The following RANBP17 variants were observed in gnomAD, a reference collection of about 807,000 sequenced individuals.
The protein encoded by RANBP17 is ran-binding protein 17.
RANBP17 carries 158 observed loss-of-function variants against 141.2 expected under a neutral mutation model. That is an observed-to-expected ratio of 1.12 (90% CI 0.98 to 1.28). RANBP17 has a LOEUF of 1.28. Among genes scored for constraint, RANBP17 ranks in the 50% most tolerant of loss-of-function variants. The probability of loss-of-function intolerance (pLI) is 0.00; values close to 1 mark genes in which losing one functional copy is unlikely to be tolerated. For synonymous variants in RANBP17, 430 were observed against 450.0 expected (o/e 0.96, Z 0.56); for missense variants, 1,438 against 1,290.7 (o/e 1.11, Z -1.75).
chr5:171,127,603 A>C (rs376401930), intron 14 of RANBP17, among the ~76,000 whole-genome samples: 15 of 152,238 alleles, frequency 9.9e-5, no homozygotes, highest in African/African-American at 3.6e-4. Context: ...GTATATGAAA[A>C]AAATCTTCAC....
chr5:171,049,663 G>A (rs868185787), intron 14 of RANBP17, among the ~76,000 whole-genome samples: 46 of 152,216 alleles, frequency 3.0e-4, no homozygotes, highest in African/African-American at 1.1e-3. Context: ...AAGGCTAGGG[G>A]TCCAGTTTCA....
At chr5:171,102,783 T>G (rs1787262830) in intron 14 of RANBP17, among the ~76,000 whole-genome samples, 1 of 152,116 alleles carries the variant, frequency 6.6e-6, no homozygotes, top group South Asian at 2.1e-4. Context: ...GAGTTTTTGC[T>G]TCGTTGTCCT....
intron 24 of RANBP17, chr5:171,252,516 G>A (rs1475637195): frequency 3.3e-5 from 47 of 1,435,774 alleles, no homozygotes; most frequent in Non-Finnish European, 4.2e-5. Flanking sequence ...ACTGTGAAGA[G>A]TGTCGCAGCA....
At chr5:171,166,207 A>G (rs1581775306) in intron 14 of RANBP17, among the ~76,000 whole-genome samples, 1 of 152,182 alleles carries the variant, frequency 6.6e-6, no homozygotes. Flanking sequence ...GACAGGCAAA[A>G]CCTTGGTTAC....
chr5:170,985,026 C>CA (rs1778037849), intron 14 of RANBP17, among the ~76,000 whole-genome samples: 1 of 124,008 alleles, frequency 8.1e-6, no homozygotes, highest in African/African-American at 2.8e-5. Flanking sequence ...CACATATACA[C>CA]ACACAGACAC....
At chr5:171,294,627 C>T (rs1052845694) in intron 26 of RANBP17, among the ~76,000 whole-genome samples, 1 of 152,148 alleles carries the variant, frequency 6.6e-6, no homozygotes, top group Non-Finnish European at 1.5e-5. Flanking sequence ...AAAATCCCAG[C>T]CTTGGAAGGA....
intron 12 of RANBP17, among the ~76,000 whole-genome samples, chr5:170,926,995 A>G (rs981827412): frequency 6.6e-6 from 1 of 152,144 alleles, no homozygotes; most frequent in African/African-American, 2.4e-5. Context: ...TTTTGAATAT[A>G]TCATAATTTA....
chr5:170,888,632 T>C (rs1581059308), intron 3 of RANBP17, among the ~76,000 whole-genome samples: 1 of 152,182 alleles, frequency 6.6e-6, no homozygotes, highest in Non-Finnish European at 1.5e-5. Flanking sequence ...TTTCTACATA[T>C]CATGCCATCT....
At chr5:171,165,068 G>A (rs1289760102) in intron 14 of RANBP17, among the ~76,000 whole-genome samples, 1 of 152,142 alleles carries the variant, frequency 6.6e-6, no homozygotes, top group East Asian at 1.9e-4. Flanking sequence ...TGTGCAGAAG[G>A]GTCAATGAAA....
intron 14 of RANBP17, among the ~76,000 whole-genome samples, chr5:171,128,446 A>G (rs747366275): frequency 1.6e-4 from 24 of 152,158 alleles, no homozygotes; most frequent in Non-Finnish European, 3.2e-4. Context: ...TTCTCATATG[A>G]GAGAGCTAAA....
At chr5:171,170,723 C>A (rs1172456786) in intron 15 of RANBP17, among the ~76,000 whole-genome samples, 1 of 152,074 alleles carries the variant, frequency 6.6e-6, no homozygotes, top group East Asian at 1.9e-4. Flanking sequence ...AACTTGTATG[C>A]CTCCACCTGG....
At chr5:171,082,011 G>A (rs1202065232) in intron 14 of RANBP17, among the ~76,000 whole-genome samples, 3 of 152,074 alleles carry the variant, frequency 2.0e-5, no homozygotes, top group Non-Finnish European at 4.4e-5. Context: ...ATTTTGACTT[G>A]AAGTCATTTT....
chr5:170,875,138 G>A (rs1768075717), intron 1 of RANBP17, among the ~76,000 whole-genome samples: 1 of 152,156 alleles, frequency 6.6e-6, no homozygotes, highest in South Asian at 2.1e-4. Context: ...TTGACTTTAA[G>A]AATGTTGAAT....
Position 170,931,913 on chromosome 5 carries a change from C to T in RANBP17, c.1468+7363C>T, listed in dbSNP as rs1382232796. Among the ~76,000 whole-genome samples the T allele has an allele frequency of 8.5e-5, 13 of 152,060 alleles. No homozygotes were observed. The East Asian group carries it at 9.6e-4, about 11-fold the overall frequency. On this transcript the variant is annotated intron_variant, in intron 12 of 27. Coordinates refer to ENST00000523189, the MANE Select transcript of RANBP17 (RefSeq NM_022897.5). The stretch of plus-strand genomic sequence containing the variant: ...GGGCTCTTTTTTGGTTCCATATGAA[C>T]TTTAAAGTAGTTTTTTCCTATTCTG...
chr5:170,909,296 T>C (rs1561879139), intron 5 of RANBP17, among the ~76,000 whole-genome samples: 1 of 151,906 alleles, frequency 6.6e-6, no homozygotes. Context: ...TCAGTTTTCT[T>C]ATTCATAGAC....
intron 24 of RANBP17, among the ~76,000 whole-genome samples, chr5:171,246,342 A>G (rs1189085153): frequency 1.3e-5 from 2 of 152,146 alleles, no homozygotes; most frequent in Admixed American, 1.3e-4. Flanking sequence ...TCTCCAACTC[A>G]GTGAGCCTGT....
intron 14 of RANBP17, among the ~76,000 whole-genome samples, chr5:171,071,064 T>A (rs1380361300): frequency 6.6e-6 from 1 of 152,030 alleles, no homozygotes; most frequent in Admixed American, 6.5e-5. Context: ...CAAAAAAAAA[T>A]TTGTATGAAT....
intron 1 of RANBP17, among the ~76,000 whole-genome samples, chr5:170,875,633 G>A (rs1244216318): frequency 2.0e-5 from 3 of 152,094 alleles, no homozygotes; most frequent in African/African-American, 4.8e-5. Context: ...CAAAGTTCTC[G>A]TGCTGTGTTT....
chr5:170,946,226 C>T (rs1774748088), intron 12 of RANBP17, among the ~76,000 whole-genome samples: 1 of 152,012 alleles, frequency 6.6e-6, no homozygotes, highest in Non-Finnish European at 1.5e-5. Context: ...GTAATAAAGG[C>T]TTGTTTTAAG....
Sources: gnomAD v4.1 joint callset for allele counts (sites outside exome capture counted in the v4.1 genomes callset) on GRCh38, gnomAD v4.1.1 for gene constraint, MANE v1.5 for transcripts, NCBI Gene and HGNC (gene_info 2026-07-23, HGNC 2026-07-21) for gene names.